The following PTPA variants were observed in gnomAD, a reference collection of about 807,000 sequenced individuals.
PTPA encodes the protein protein phosphatase 2 phosphatase activator.
PTPA carries 13 observed loss-of-function variants against 43.6 expected under a neutral mutation model. The ratio of observed to expected loss-of-function variants is 0.30; its 90% CI spans 0.19 to 0.47. The LOEUF (loss-of-function observed/expected upper bound fraction) is 0.47, where lower values mean the gene tolerates loss of function less well. Ranked by LOEUF, PTPA falls within the 20% of genes least tolerant of loss-of-function variation. PTPA has a pLI of 0.99. For synonymous variants in PTPA, 172 were observed against 158.2 expected (o/e 1.09, Z -0.66); for missense variants, 329 against 411.9 (o/e 0.80, Z 1.74).
chr9:129,126,644 T>G (rs1008786559), intron 3 of PTPA, among the ~76,000 whole-genome samples: 1 of 152,204 alleles, frequency 6.6e-6, no homozygotes, highest in African/African-American at 2.4e-5. Flanking sequence ...AGTAAAATGT[T>G]AGGGAAGATT....
intron 8 of PTPA, 63 bp from the exon 9 acceptor site, chr9:129,142,382 G>T: frequency 6.8e-7 from 1 of 1,466,774 alleles, no homozygotes. Flanking sequence ...CTTTGCTGCA[G>T]GGGAGGAGGG....
intron 9 of PTPA, among the ~76,000 whole-genome samples, chr9:129,146,720 G>A (rs1240922772): frequency 6.6e-6 from 1 of 152,216 alleles, no homozygotes; most frequent in Admixed American, 6.5e-5. Context: ...GCCAGCTTCT[G>A]TGATAGGCCC....
chr9:129,135,528 C>T (rs985544576), intron 6 of PTPA, among the ~76,000 whole-genome samples: 2 of 152,148 alleles, frequency 1.3e-5, no homozygotes, highest in Non-Finnish European at 2.9e-5. Context: ...CTGTTATTTC[C>T]ATTTTACATA....
intron 3 of PTPA, among the ~76,000 whole-genome samples, chr9:129,126,805 A>G (rs952198898): frequency 1.3e-5 from 2 of 152,122 alleles, no homozygotes; most frequent in Non-Finnish European, 2.9e-5. Context: ...GGCAGCCCCT[A>G]CAACATTCAA....
At position 129,142,426 on chromosome 9, in the gene PTPA, T is replaced by C. The variant is rs763788954; in HGVS notation, c.787-19T>C. On this transcript the variant is annotated intron_variant, in intron 8 of 9. Transcript: ENST00000393370. The stretch of plus-strand genomic sequence containing the variant: ...CCAGCCAGAACCTGTCTCTTCAGCT[T>C]GTGGCTTCTCTTTTTCAGATGAAGA... 1 of 1,551,934 alleles carries C rather than the reference T, an allele frequency of 6.4e-7. No individual in the cohort carries two copies. The highest frequency in any genetic ancestry group is 1.2e-5 in the South Asian group (1 of 81,966).
intron 9 of PTPA, among the ~76,000 whole-genome samples, chr9:129,146,927 G>GC (rs1413695023): frequency 6.6e-6 from 1 of 152,254 alleles, no homozygotes. Context: ...GCTCTGAAGT[G>GC]CCAAGATGCC....
intron 6 of PTPA, among the ~76,000 whole-genome samples, chr9:129,135,221 C>T (rs1257994646): frequency 2.0e-5 from 3 of 152,132 alleles, no homozygotes; most frequent in Admixed American, 6.5e-5. Flanking sequence ...GATGAAACCC[C>T]GTCTCTACTA....
chr9:129,129,609 A>G (rs1483202675), intron 4 of PTPA, among the ~76,000 whole-genome samples: 2 of 152,018 alleles, frequency 1.3e-5, no homozygotes, highest in Non-Finnish European at 2.9e-5. Context: ...AGCTGGGACT[A>G]CAGGCACCCA....
chr9:129,138,208 C>G (rs1850511512), intron 8 of PTPA: 1 of 187,780 alleles, frequency 5.3e-6, no homozygotes, highest in African/African-American at 2.3e-5. Context: ...AGTGCGCAGG[C>G]CTGGCCTGTG....
chr9:129,145,320 C>G (rs527436781), intron 9 of PTPA, among the ~76,000 whole-genome samples: 35 of 150,706 alleles, frequency 2.3e-4, no homozygotes, highest in Non-Finnish European at 4.0e-4. Context: ...AACAGCGAGA[C>G]TCCATCTCAG....
rs1588473011 is a variant in PTPA at position 129,111,477 on chromosome 9, C to T, written c.-124C>T. ...CTCTCGGTTTTCGGTTATAGCCGGC[C>T]GGCGCTCACTTGTCTTCAGGAAGCT... On this transcript the variant is annotated 5_prime_UTR_variant, in exon 1 of 10. Transcript: ENST00000393370. 2 of 1,262,226 alleles carry T rather than the reference C, an allele frequency of 1.6e-6. No individual in the cohort carries two copies. Among genetic ancestry groups the T allele is most frequent in the South Asian group, 3.5e-5 (1 of 28,532 alleles). 78.2% of individuals were successfully genotyped at this position (1,262,226 alleles called of 1,614,324 possible).
chr9:129,115,308 G>T (rs1157435658), intron 1 of PTPA, among the ~76,000 whole-genome samples: 1 of 152,196 alleles, frequency 6.6e-6, no homozygotes, highest in Non-Finnish European at 1.5e-5. Context: ...AACAGAGCTT[G>T]CAGGACAGGT....
At position 129,142,780 on chromosome 9, in the gene PTPA, C is replaced by T; in HGVS notation, c.894+228C>T. ...CCAGCCCCGAAAAGCTGCAGTCCAG[C>T]TCTGTCCTGATGAGCTTGGAGGCTG... On this transcript the variant is annotated intron_variant, in intron 9 of 9. Coordinates refer to ENST00000393370, the MANE Select transcript of PTPA (RefSeq NM_178000.3). 1.3e-6 allele frequency: 2 copies of T among 1,536,222 alleles called. 1 individual carries two copies. Among genetic ancestry groups the T allele is most frequent in the South Asian group, 2.4e-5 (2 of 84,068 alleles).
At chr9:129,142,320 C>G (rs1427239641) in intron 8 of PTPA, 125 bp from the exon 9 acceptor site, 32 of 848,134 alleles carry the variant, frequency 3.8e-5, no homozygotes, top group Admixed American at 5.9e-5. Context: ...TCTGCGCGTG[C>G]ATTGTGTGCG....
At position 129,111,504 on chromosome 9, in the gene PTPA, G is replaced by C; in HGVS notation, c.-97G>C. On this transcript the variant is annotated 5_prime_UTR_variant, in exon 1 of 10. Coordinates refer to ENST00000393370, the MANE Select transcript of PTPA (RefSeq NM_178000.3). The stretch of plus-strand genomic sequence containing the variant: ...GCGCTCACTTGTCTTCAGGAAGCTC[G>C]GAGCCTTTGGTGGAGCCGGGGAGAG... 2 of 1,268,400 alleles carry C rather than the reference G, an allele frequency of 1.6e-6. No individual in the cohort carries two copies. Among genetic ancestry groups the C allele is most frequent in the Non-Finnish European group, 2.0e-6 (2 of 998,872 alleles). The allele number at this position is 1,268,400 out of a possible 1,614,324, so 78.6% of individuals were successfully genotyped here.
chr9:129,137,793 C>T (rs2131605369), intron 8 of PTPA, 101 bp downstream of exon 8: 2 of 1,142,032 alleles, frequency 1.8e-6, no homozygotes, highest in East Asian at 2.5e-5. Flanking sequence ...GAGCTGCTGC[C>T]CAAAATGGCA....
intron 1 of PTPA, 48 bp downstream of exon 1, chr9:129,111,679 C>A: frequency 7.9e-7 from 1 of 1,259,958 alleles, no homozygotes; most frequent in Admixed American, 4.2e-5. Flanking sequence ...AGGGTGGGGG[C>A]GGTGCCAGGT....
In PTPA at chr9:129,121,609, G is replaced by C. The variant is rs549620173; in HGVS notation, c.129+999G>C. 6.6e-5 allele frequency among the ~76,000 whole-genome samples: 10 copies of C among 152,332 alleles called. 1 individual carries two copies. Among genetic ancestry groups the C allele is most frequent in the African/African-American group, 2.4e-4 (10 of 41,572 alleles). ...GAGGGGCAGATAATTCTTCATTGTA[G>C]GAGGCCGTCCTGTGCCATGTAGGAC... On this transcript the variant is annotated intron_variant, in intron 2 of 9. Coordinates refer to ENST00000393370, the MANE Select transcript of PTPA (RefSeq NM_178000.3).
upstream of PTPA, chr9:129,110,997 C>A (rs373892242): frequency 7.3e-7 from 1 of 1,371,230 alleles, no homozygotes; most frequent in Admixed American, 1.9e-5. This position sits in a 1 kb window ranked among gnomAD's most constrained non-coding sequence, Gnocchi z 5.3. Context: ...CCAGCTGTCT[C>A]TCCCCTGTCC....
Sources: gnomAD v4.1 joint callset for allele counts (sites outside exome capture counted in the v4.1 genomes callset) on GRCh38, gnomAD v4.1.1 for gene constraint, Gnocchi (gnomAD v3.1) non-coding constraint, MANE v1.5 for transcripts, NCBI Gene and HGNC (gene_info 2026-07-23, HGNC 2026-07-21) for gene names.